The following CYP2C8 variants were observed in gnomAD, a reference collection of about 807,000 sequenced individuals.
CYP2C8 encodes cytochrome P450 2C8.
CYP2C8 carries 51 observed loss-of-function variants against 41.3 expected under a neutral mutation model. The ratio of observed to expected loss-of-function variants is 1.24; its 90% CI spans 0.99 to 1.56. The LOEUF is 1.56. CYP2C8 is among the 40% of genes most tolerant of loss of function. The probability of loss-of-function intolerance (pLI) is 0.00; values close to 1 mark genes in which losing one functional copy is unlikely to be tolerated. For synonymous variants in CYP2C8, 218 were observed against 205.8 expected, an observed-to-expected ratio of 1.06 and a Z score of -0.51; for missense variants, 651 against 579.9, an observed-to-expected ratio of 1.12 and a Z score of -1.26.
In CYP2C8 at chr10:95,067,641, G is replaced by A. The variant is rs750507853; in HGVS notation, c.219C>T (p.Pro73=). 2 of 1,614,104 alleles carry A rather than the reference G, an allele frequency of 1.2e-6. No homozygotes were observed. The highest frequency in any genetic ancestry group is 8.5e-7 in the Non-Finnish European group (1 of 1,180,006). The change falls in exon 2 of 9, where the codon CCC becomes CCT. Residue 73 remains proline, a synonymous_variant. Coordinates refer to ENST00000371270, the MANE Select transcript of CYP2C8 (RefSeq NM_000770.3). Reference sequence around the variant, plus strand: ...CCTCATATCCATGAAACACCACTATGGGATTCATGCCAAAATACACGGTGA... The same window carrying A: ...CCTCATATCCATGAAACACCACTATAGGATTCATGCCAAAATACACGGTGA... ...PVFTVYFGMN[P]IVVFHGYEAV...
intron 4 of CYP2C8, among the ~76,000 whole-genome samples, chr10:95,061,090 G>A (rs914114059): frequency 2.0e-5 from 3 of 152,142 alleles, no homozygotes; most frequent in Non-Finnish European, 4.4e-5. Context: ...AGGGATATTG[G>A]TCTAAAATTC....
chr10:95,052,880 G>A (rs2033238465), intron 5 of CYP2C8, among the ~76,000 whole-genome samples: 1 of 152,040 alleles, frequency 6.6e-6, no homozygotes. Context: ...TCTAAGGTCT[G>A]GAAAACAACA....
intron 1 of CYP2C8, among the ~76,000 whole-genome samples, chr10:95,068,925 G>A (rs1483893675): frequency 6.6e-6 from 1 of 152,148 alleles, no homozygotes; most frequent in Admixed American, 6.5e-5. Flanking sequence ...GCCGGGCATG[G>A]TGGAGGGCAC....
At chr10:95,040,305 T>C (rs2032968681) in intron 7 of CYP2C8, among the ~76,000 whole-genome samples, 1 of 152,168 alleles carries the variant, frequency 6.6e-6, no homozygotes, top group Non-Finnish European at 1.5e-5. Flanking sequence ...ATGAAAACTG[T>C]GGATTGTAGT....
rs536085663 is a variant in CYP2C8, at chr10:95,058,433, G to C, written c.721C>G (p.Arg241Gly). The change falls in exon 5 of 9, where the codon CGA (arginine) becomes GGA (glycine). Residue 241 changes from arginine to glycine, a missense_variant. Coordinates refer to ENST00000371270, the MANE Select transcript of CYP2C8 (RefSeq NM_000770.3). ...TTTACTTTCTCCCTAATGTAACTTC[G>C]TGTAAGAGCAACATTTTTAAGCACT... Reference protein sequence around the residue: ...NKVLKNVALTRSYIREKVKEH... With the variant: ...NKVLKNVALTGSYIREKVKEH... 15 of 1,613,262 alleles carry C rather than the reference G, an allele frequency of 9.3e-6. No individual in the cohort carries two copies. The highest frequency in any genetic ancestry group is 1.2e-5 in the Non-Finnish European group (14 of 1,179,684).
Position 95,039,028 on chromosome 10 carries a change from A to G in CYP2C8, c.1160T>C (p.Ile387Thr), listed in dbSNP as rs1439245527. The change falls in exon 8 of 9, where the codon ATA becomes ACA. Residue 387 changes from isoleucine to threonine, a missense_variant. Transcript: ENST00000371270. Reference sequence around the variant, plus strand: ...TAGCACGGAAGTCAGTAATGCCATTATGGTTGTGCCCTGGAAGTAACAAAA... The same window carrying G: ...TAGCACGGAAGTCAGTAATGCCATTGTGGTTGTGCCCTGGAAGTAACAAAA... ...RNYLIPKGTT[I>T]MALLTSVLHD... The G allele has an allele frequency of 1.7e-5, 28 of 1,613,542 alleles. No individual in the cohort carries two copies. Among genetic ancestry groups the G allele is most frequent in the Non-Finnish European group, 2.3e-5 (27 of 1,179,548 alleles).
At chr10:95,058,204 A>G in intron 5 of CYP2C8, 131 bp downstream of exon 5, 1 of 1,356,238 alleles carries the variant, frequency 7.4e-7, no homozygotes, top group Non-Finnish European at 1.0e-6. Context: ...CATAAATACA[A>G]TAAGTAATTA....
chr10:95,061,242 T>C lies in CYP2C8; in HGVS notation c.643-2731A>G, dbSNP rs57627758. Among the ~76,000 whole-genome samples the C allele has an allele frequency of 3.3e-3, 506 of 152,356 alleles. 2 individuals are homozygous for C. Among genetic ancestry groups the C allele is most frequent in the African/African-American group, 0.012 (490 of 41,582 alleles). ...TACCAGCTCCTCCTTGTACCTCTGATAGAATTTGGCTGTGAATCCACCTGG... is the reference window on the plus strand; with the variant it reads ...TACCAGCTCCTCCTTGTACCTCTGACAGAATTTGGCTGTGAATCCACCTGG... On this transcript the variant is annotated intron_variant, in intron 4 of 8. Coordinates refer to ENST00000371270, the MANE Select transcript of CYP2C8 (RefSeq NM_000770.3).
In CYP2C8 at chr10:95,044,453, G is replaced by A. The variant is rs2033068638; in HGVS notation, c.961+1357C>T. Among the ~76,000 whole-genome samples, 5 of 152,024 alleles carry A rather than the reference G, an allele frequency of 3.3e-5. No homozygotes were observed. The South Asian group carries it at 1.0e-3, about 32-fold the overall frequency. On this transcript the variant is annotated intron_variant, in intron 6 of 8. Coordinates refer to ENST00000371270, the MANE Select transcript of CYP2C8 (RefSeq NM_000770.3). ...TGTTTTAATTTCATTCACTCTGCTG[G>A]ACATTTATAGATAACTTTCTATTAA...
intron 5 of CYP2C8, among the ~76,000 whole-genome samples, chr10:95,046,899 A>T (rs1057154720): frequency 6.6e-6 from 1 of 152,168 alleles, no homozygotes; most frequent in Non-Finnish European, 1.5e-5. Flanking sequence ...TGGATAATAA[A>T]TATTTATCTC....
chr10:95,039,034 G>A lies in CYP2C8; in HGVS notation c.1154C>T (p.Thr385Ile), dbSNP rs553009747. The A allele has an allele frequency of 2.1e-5, 34 of 1,613,346 alleles. No individual in the cohort carries two copies. The highest frequency in any genetic ancestry group is 1.1e-4 in the South Asian group (10 of 91,072). ...KFRNYLIPKGTTIMALLTSVL... is the reference protein window; with the variant it reads ...KFRNYLIPKGITIMALLTSVL... The stretch of plus-strand genomic sequence containing the variant: ...GGAAGTCAGTAATGCCATTATGGTT[G>A]TGCCCTGGAAGTAACAAAACAGATA... Residue 385 changes from threonine (T) to isoleucine (I), a missense_variant, in exon 8 of 9, where the codon ACA (threonine) becomes ATA (isoleucine). Transcript: ENST00000371270.
At chr10:95,052,056 CAAACCT>C (rs2033223054) in intron 5 of CYP2C8, among the ~76,000 whole-genome samples, 5 of 152,042 alleles carry the variant, frequency 3.3e-5, no homozygotes, top group Admixed American at 2.6e-4. Flanking sequence ...AGAAAGCTGA[CAAACCT>C]TTAGCCAGAC....
Position 95,036,891 on chromosome 10 carries a change from T to G in CYP2C8, c.*237A>C. The G allele has an allele frequency of 3.7e-6, 2 of 540,650 alleles. No homozygotes were observed. Among genetic ancestry groups the G allele is most frequent in the South Asian group, 4.3e-5 (2 of 46,864 alleles). 33.5% of individuals were successfully genotyped at this position (540,650 alleles called of 1,614,324 possible). On this transcript the variant is annotated 3_prime_UTR_variant, in exon 9 of 9. Coordinates refer to ENST00000371270, the MANE Select transcript of CYP2C8 (RefSeq NM_000770.3). ...TGATAACATATTAAAAAGTCAGCAT[T>G]AGAAAAGTATTAGCATATGCAGCAA...
At chr10:95,048,605 A>G (rs1369001349) in intron 5 of CYP2C8, among the ~76,000 whole-genome samples, 2 of 152,174 alleles carry the variant, frequency 1.3e-5, no homozygotes, top group Non-Finnish European at 2.9e-5. Context: ...GTTAGCTGAG[A>G]TACGATAAAA....
chr10:95,065,387 G>C (rs1479284895), intron 3 of CYP2C8, among the ~76,000 whole-genome samples: 3 of 152,224 alleles, frequency 2.0e-5, no homozygotes, highest in Non-Finnish European at 4.4e-5. Context: ...AAAGTATAAT[G>C]TGCTGAACCA....
intron 4 of CYP2C8, among the ~76,000 whole-genome samples, chr10:95,064,487 A>T (rs2033516103): frequency 6.6e-6 from 1 of 152,148 alleles, no homozygotes; most frequent in Non-Finnish European, 1.5e-5. Flanking sequence ...AAAGCACAGT[A>T]TTAGGGTGGG....
At chr10:95,041,504 G>A (rs1213223225) in intron 7 of CYP2C8, among the ~76,000 whole-genome samples, 4 of 152,180 alleles carry the variant, frequency 2.6e-5, no homozygotes, top group Admixed American at 6.5e-5. Context: ...GTGCAAGGCC[G>A]GGCGCGGTGG....
At chr10:95,048,902 A>G (rs1038242516) in intron 5 of CYP2C8, among the ~76,000 whole-genome samples, 3 of 152,204 alleles carry the variant, frequency 2.0e-5, no homozygotes, top group Non-Finnish European at 4.4e-5. Context: ...TCTTCTGAGC[A>G]TTGGTGTAGG....
chr10:95,063,964 G>A (rs1176810499), intron 4 of CYP2C8, among the ~76,000 whole-genome samples: 1 of 152,180 alleles, frequency 6.6e-6, no homozygotes, highest in African/African-American at 2.4e-5. Flanking sequence ...AACAGCAAAT[G>A]TTGCTGCCCG....
Sources: gnomAD v4.1 joint callset for allele counts (sites outside exome capture counted in the v4.1 genomes callset) on GRCh38, gnomAD v4.1.1 for gene constraint, MANE v1.5 for transcripts, NCBI Gene and HGNC (gene_info 2026-07-23, HGNC 2026-07-21) for gene names.